Variants in ANO2 observed in about 807,000 individuals in gnomAD.
ANO2 encodes anoctamin-2.
ANO2 carries 101 observed loss-of-function variants against 124.2 expected under a neutral mutation model. That is an observed-to-expected ratio of 0.81 (90% CI 0.69 to 0.96). The LOEUF (loss-of-function observed/expected upper bound fraction) is 0.96, where lower values mean the gene tolerates loss of function less well. Ranked by LOEUF, ANO2 falls within the 40% of genes least tolerant of loss-of-function variation. The pLI, the probability that ANO2 is intolerant of heterozygous loss-of-function variation, is 0.00. For synonymous variants in ANO2, 486 were observed against 482.5 expected, an observed-to-expected ratio of 1.01 and a Z score of -0.09; for missense variants, 1,293 against 1,274.5, an observed-to-expected ratio of 1.01 and a Z score of -0.22.
At chr12:5,839,491 G>A in intron 4 of ANO2, 1 of 436,186 alleles carries the variant, frequency 2.3e-6, no homozygotes, top group Non-Finnish European at 4.6e-6. Context: ...TTATAAAAGA[G>A]AGAACTGGAC....
intron 9 of ANO2, among the ~76,000 whole-genome samples, chr12:5,800,495 G>C (rs1382329482): frequency 1.3e-5 from 2 of 152,246 alleles, no homozygotes; most frequent in Admixed American, 1.3e-4. Flanking sequence ...GAAGTTACTG[G>C]AATGGTCCAG....
chr12:5,693,866 T>C (rs910800572), intron 14 of ANO2, among the ~76,000 whole-genome samples: 4 of 152,158 alleles, frequency 2.6e-5, no homozygotes, highest in African/African-American at 4.8e-5. Flanking sequence ...TCAGCTGCCA[T>C]GTGCCAGAGA....
chr12:5,796,816 C>A (rs550461684), intron 10 of ANO2, among the ~76,000 whole-genome samples: 2 of 152,188 alleles, frequency 1.3e-5, no homozygotes, highest in Non-Finnish European at 2.9e-5. Context: ...TGAAGGCCTG[C>A]GGAAGGGGAA....
chr12:5,732,880 G>A, intron 13 of ANO2: 1 of 1,613,978 alleles, frequency 6.2e-7, no homozygotes, highest in Non-Finnish European at 8.5e-7. Context: ...GCACGTTCCT[G>A]GGGATAGCGC....
intron 20 of ANO2, among the ~76,000 whole-genome samples, chr12:5,593,095 A>T (rs889848409): frequency 6.6e-6 from 1 of 152,234 alleles, no homozygotes; most frequent in African/African-American, 2.4e-5. Context: ...ATAAGTAAAC[A>T]TGCAATCATG....
At chr12:5,807,178 AGTC>A (rs1295781923) in intron 8 of ANO2, 132 bp downstream of exon 8, 24 of 683,774 alleles carry the variant, frequency 3.5e-5, no homozygotes, top group South Asian at 1.1e-4. Context: ...GTCCAGGGTC[AGTC>A]AAGGTATTTT....
At chr12:5,575,781 T>C (rs1942363897) in intron 23 of ANO2, 53 bp downstream of exon 23, 5 of 1,569,260 alleles carry the variant, frequency 3.2e-6, no homozygotes, top group South Asian at 2.4e-5. Context: ...CCGTAATTAT[T>C]TGGATCTATT....
At chr12:5,691,991 G>C (rs919141991) in intron 14 of ANO2, among the ~76,000 whole-genome samples, 2 of 152,162 alleles carry the variant, frequency 1.3e-5, no homozygotes, top group African/African-American at 4.8e-5. Context: ...TGTGAGGCCT[G>C]GTGGGCTATA....
At chr12:5,604,972 G>A (rs976919971) in intron 19 of ANO2, among the ~76,000 whole-genome samples, 5 of 150,928 alleles carry the variant, frequency 3.3e-5, no homozygotes, top group Admixed American at 1.3e-4. Context: ...AACTCTTTCC[G>A]GAAGGCTCAG....
intron 12 of ANO2, among the ~76,000 whole-genome samples, chr12:5,743,526 T>C (rs955252354): frequency 3.9e-5 from 6 of 152,090 alleles, no homozygotes; most frequent in Non-Finnish European, 8.8e-5. Context: ...CAGCTACCTA[T>C]GGCTCAGAAC....
At chr12:5,705,818 AC>A (rs1163547276) in intron 14 of ANO2, among the ~76,000 whole-genome samples, 1 of 152,108 alleles carries the variant, frequency 6.6e-6, no homozygotes, top group Non-Finnish European at 1.5e-5. Flanking sequence ...AATCTCCTCT[AC>A]CCAGCTTCAA....
intron 4 of ANO2, among the ~76,000 whole-genome samples, chr12:5,838,313 G>A (rs2137229077): frequency 6.6e-6 from 1 of 152,272 alleles, no homozygotes; most frequent in African/African-American, 2.4e-5. Context: ...TCAAGAGTGT[G>A]GAAGGCCAGA....
chr12:5,625,918 T>G (rs1945375369), intron 16 of ANO2, among the ~76,000 whole-genome samples: 1 of 152,132 alleles, frequency 6.6e-6, no homozygotes, highest in African/African-American at 2.4e-5. Flanking sequence ...GTGTCCTAAT[T>G]CATAAAATGG....
chr12:5,633,128 AT>A (rs1190463205), intron 16 of ANO2, among the ~76,000 whole-genome samples: 1 of 152,138 alleles, frequency 6.6e-6, no homozygotes, highest in Non-Finnish European at 1.5e-5. Context: ...CAGCTCAACC[AT>A]TTCTCCTCTT....
intron 4 of ANO2, among the ~76,000 whole-genome samples, chr12:5,852,702 C>G (rs933118846): frequency 1.3e-5 from 2 of 152,022 alleles, no homozygotes; most frequent in African/African-American, 2.4e-5. Context: ...AACGAGGGGG[C>G]AGGTGATCAC....
chr12:5,886,953 G>A (rs1433799405), intron 3 of ANO2, among the ~76,000 whole-genome samples: 1 of 152,204 alleles, frequency 6.6e-6, no homozygotes, highest in Non-Finnish European at 1.5e-5. Flanking sequence ...GAGCATTAGT[G>A]TGTGACGGGT....
At chr12:5,615,661 C>T (rs1297681889) in intron 16 of ANO2, among the ~76,000 whole-genome samples, 1 of 152,094 alleles carries the variant, frequency 6.6e-6, no homozygotes, top group Non-Finnish European at 1.5e-5. Context: ...GTGTCATTTC[C>T]ACTTCCATGA....
chr12:5,671,238 A>T (rs1157019141), intron 14 of ANO2, among the ~76,000 whole-genome samples: 2 of 152,090 alleles, frequency 1.3e-5, no homozygotes, highest in Non-Finnish European at 2.9e-5. Flanking sequence ...AGTCACTATC[A>T]TCATCTGTGG....
intron 3 of ANO2, among the ~76,000 whole-genome samples, chr12:5,883,922 C>A (rs545535099): frequency 6.6e-6 from 1 of 152,270 alleles, no homozygotes; most frequent in African/African-American, 2.4e-5. Flanking sequence ...CTTTTCTGTG[C>A]ATTATCTAAC....
Sources: gnomAD v4.1 joint callset for allele counts (sites outside exome capture counted in the v4.1 genomes callset) on GRCh38, gnomAD v4.1.1 for gene constraint, MANE v1.5 for transcripts, NCBI Gene and HGNC (gene_info 2026-07-23, HGNC 2026-07-21) for gene names.